Variants in DLG5 observed in about 807,000 individuals in gnomAD.
DLG5 encodes the protein disks large homolog 5.
In DLG5, 48 loss-of-function variants were observed where a neutral mutation model predicts 189.8. The ratio of observed to expected loss-of-function variants is 0.25; its 90% CI spans 0.20 to 0.32. The LOEUF (loss-of-function observed/expected upper bound fraction) is 0.32. DLG5 is among the 10% of genes least tolerant of loss of function. The pLI is 1.00. For synonymous variants in DLG5, 1,016 were observed against 1,054.1 expected (o/e 0.96, Z 0.70); for missense variants, 2,160 against 2,544.7 (o/e 0.85, Z 3.25).
the DLG5 span, among the ~76,000 whole-genome samples, chr10:77,937,937 C>T: frequency 1.4e-5 from 2 of 142,814 alleles, no homozygotes; most frequent in Admixed American, 1.5e-4. Context: ...AGGCTGGTCT[C>T]AAACTCCTGA....
intron 7 of DLG5, among the ~76,000 whole-genome samples, chr10:77,841,483 G>A (rs1843412609): frequency 6.6e-6 from 1 of 152,230 alleles, no homozygotes; most frequent in Non-Finnish European, 1.5e-5. Flanking sequence ...TGCTCTTCCA[G>A]ACACAAGAGG....
Position 77,796,214 on chromosome 10 carries a change from G to C in DLG5, c.5309-26C>G, listed in dbSNP as rs1288941794. On this transcript the variant is annotated intron_variant, in intron 28 of 31. Transcript: ENST00000372391. The surrounding 1 kb of genome is among the most constrained non-coding windows in gnomAD (Gnocchi z 5.2). ...CTGCAATGCACAGACACAGGAATCA[G>C]GGAGCCCCAGGCCCTGCTGAGCCCC... 1 of 1,613,692 alleles carries C rather than the reference G, an allele frequency of 6.2e-7. No individual in the cohort carries two copies. The highest frequency in any genetic ancestry group is 8.5e-7 in the Non-Finnish European group (1 of 1,180,032).
At position 77,794,879 on chromosome 10, in the gene DLG5, A is replaced by C; in HGVS notation, c.5516T>G (p.Phe1839Cys). Residue 1839 changes from phenylalanine to cysteine, a missense_variant, in exon 30 of 32, where the codon TTC becomes TGC. Physicochemically the swap from Phe to Cys is radical, Grantham distance 205. Coordinates refer to ENST00000372391, the MANE Select transcript of DLG5 (RefSeq NM_004747.4). The part of the protein sequence containing the change: ...HHMHIYPIVI[F>C]IHYKSAKHIK... ...GTGCTTGGCGCTCTTGTAGTGGATG[A>C]AGATGACAATGGGGTAGATGTGCAT... The C allele has an allele frequency of 1.2e-6, 2 of 1,614,108 alleles. No individual in the cohort carries two copies. Among genetic ancestry groups the C allele is most frequent in the Non-Finnish European group, 1.7e-6 (2 of 1,180,022 alleles).
At chr10:77,839,361 C>A (rs976324575) in intron 7 of DLG5, among the ~76,000 whole-genome samples, 1 of 151,960 alleles carries the variant, frequency 6.6e-6, no homozygotes, top group Non-Finnish European at 1.5e-5. Flanking sequence ...ATTAGCTGGG[C>A]GTACTGGCAA....
chr10:77,930,110 C>A (rs1027869475), upstream of DLG5, among the ~76,000 whole-genome samples: 4 of 152,154 alleles, frequency 2.6e-5, no homozygotes, highest in African/African-American at 9.7e-5. Context: ...TCCTCCCCTG[C>A]ACACACGCAC....
chr10:77,827,546 G>T (rs945007038), intron 13 of DLG5, among the ~76,000 whole-genome samples: 1 of 152,158 alleles, frequency 6.6e-6, no homozygotes, highest in Non-Finnish European at 1.5e-5. Context: ...ATTTTAAAAG[G>T]TCAGAAGTAT....
Position 77,816,673 on chromosome 10 carries a change from A to G in DLG5, c.3903T>C (p.Thr1301=), listed in dbSNP as rs753235999. The part of the protein sequence containing the change: ...RGSVSHSECS[T]PPQSPLNIDT... ...CGATGTTCAGGGGTGACTGTGGAGG[A>G]GTGCTGCATTCAGAATGTGACACTG... is the stretch of plus-strand genomic sequence containing the variant. Residue 1301 remains threonine, a synonymous_variant, in exon 20 of 32, where the codon ACT becomes ACC. Coordinates refer to ENST00000372391, the MANE Select transcript of DLG5 (RefSeq NM_004747.4). The G allele has an allele frequency of 6.2e-7, 1 of 1,612,854 alleles. No individual in the cohort carries two copies. The highest frequency in any genetic ancestry group is 8.5e-7 in the Non-Finnish European group (1 of 1,179,358).
rs1301732220 is a variant in DLG5, at chr10:77,887,894, C to CTG, written c.305-18698_305-18697insCA. On this transcript the variant is annotated intron_variant, in intron 1 of 31. Transcript: ENST00000372391. ...GTGCTCACAGCAGCAGCAGCCGTGC[C>CTG]TACAGCCAGCCGGCGATTTTCATCT... Among the ~76,000 whole-genome samples the CTG allele has an allele frequency of 2.6e-5, 4 of 152,364 alleles. No homozygotes were observed. The East Asian group carries it at 7.7e-4, about 29-fold the overall frequency.
At chr10:77,822,428 G>A (rs112715648) in intron 14 of DLG5, among the ~76,000 whole-genome samples, 11 of 152,172 alleles carry the variant, frequency 7.2e-5, no homozygotes, top group African/African-American at 2.4e-4. Context: ...GGCGGGTCAC[G>A]AGGTCAGGAG....
rs971056960 is a variant in DLG5 at position 77,828,912 on chromosome 10, C to A, written c.2259G>T (p.Gly753=). The A allele has an allele frequency of 1.4e-5, 22 of 1,614,100 alleles. No individual in the cohort carries two copies. The highest frequency in any genetic ancestry group is 1.8e-5 in the Non-Finnish European group (21 of 1,180,048). ...VLPGSPAAKE[G]SLAVGDRIVA... The stretch of plus-strand genomic sequence containing the variant: ...CGATCCTGTCTCCCACAGCAAGGGA[C>A]CCTTCTTTAGCGGCAGGGCTTCCAG... Residue 753 remains glycine, a synonymous_variant, in exon 13 of 32, where the codon GGG becomes GGT. Transcript: ENST00000372391.
chr10:77,870,378 A>G (rs1248660), intron 1 of DLG5, among the ~76,000 whole-genome samples: 39,131 of 152,116 alleles, frequency 0.26, 5,625 homozygotes, highest in Admixed American at 0.39. Flanking sequence ...AGAAATGTGG[A>G]GGACCACATT....
chr10:77,807,143 C>T (rs1016094361), intron 25 of DLG5, among the ~76,000 whole-genome samples: 17 of 152,146 alleles, frequency 1.1e-4, no homozygotes, highest in African/African-American at 4.8e-5. Flanking sequence ...ACACTGAGGG[C>T]GCATCCCCAT....
chr10:77,811,102 G>A lies in DLG5; in HGVS notation c.4455C>T (p.Ser1485=), dbSNP rs1287826381. Residue 1485 remains serine (S), a synonymous_variant, in exon 23 of 32, where the codon AGC becomes AGT. Coordinates refer to ENST00000372391, the MANE Select transcript of DLG5 (RefSeq NM_004747.4). ...EGPSTPPAKQ[S]SSRIAGDANK... ...CAGCAACGTCTGCTGACCTGGAGCT[G>A]CTCTGCTTGGCTGGGGGGGTGCTAG... 6.2e-7 allele frequency: 1 copy of A among 1,611,440 alleles called. No individual in the cohort carries two copies. The highest frequency in any genetic ancestry group is 1.7e-5 in the Admixed American group (1 of 59,970).
At chr10:77,876,824 T>C (rs1845113606) in intron 1 of DLG5, among the ~76,000 whole-genome samples, 1 of 150,030 alleles carries the variant, frequency 6.7e-6, no homozygotes, top group African/African-American at 2.4e-5. Context: ...GTGAGATCTG[T>C]GTGGGGTGGC....
chr10:77,874,823 C>G (rs754632756), intron 1 of DLG5, among the ~76,000 whole-genome samples: 4 of 152,174 alleles, frequency 2.6e-5, no homozygotes, highest in Non-Finnish European at 4.4e-5. Context: ...TCAGTCCAGA[C>G]CTGCAGAGGG....
At chr10:77,926,910 A>G, upstream of DLG5, 1 of 348,998 alleles carries the variant, frequency 2.9e-6, no homozygotes, top group Non-Finnish European at 5.9e-6. This position sits in a 1 kb window ranked among gnomAD's most constrained non-coding sequence, Gnocchi z 5.2. Flanking sequence ...ACTCGCCCCG[A>G]AAGCCGGGCC....
intron 2 of DLG5, among the ~76,000 whole-genome samples, chr10:77,863,335 G>C (rs1844547082): frequency 6.6e-6 from 1 of 152,152 alleles, no homozygotes; most frequent in Admixed American, 6.5e-5. Flanking sequence ...CTGGGCTCAA[G>C]CAATCCTTCT....
intron 5 of DLG5, among the ~76,000 whole-genome samples, chr10:77,847,214 C>T (rs1843738043): frequency 6.6e-6 from 1 of 152,118 alleles, no homozygotes; most frequent in South Asian, 2.1e-4. Flanking sequence ...TGGTAGGATC[C>T]TCGGGTCAGA....
chr10:77,889,495 G>A (rs897353145), intron 1 of DLG5: 1 of 152,246 alleles, frequency 6.6e-6, no homozygotes, highest in Non-Finnish European at 1.5e-5. Flanking sequence ...TGAGTGTCCA[G>A]AACAGTGGCT....
Sources: gnomAD v4.1 joint callset for allele counts (sites outside exome capture counted in the v4.1 genomes callset) on GRCh38, gnomAD v4.1.1 for gene constraint, Gnocchi (gnomAD v3.1) non-coding constraint, MANE v1.5 for transcripts, NCBI Gene and HGNC (gene_info 2026-07-23, HGNC 2026-07-21) for gene names.